VPS35: variants seen among roughly 807,000 people sequenced by gnomAD.
The protein encoded by VPS35 is VPS35 retromer complex component, also known as vacuolar protein sorting-associated protein 35.
In VPS35, 21 loss-of-function variants were observed where a neutral mutation model predicts 98.1. The ratio of observed to expected loss-of-function variants is 0.21; its 90% CI spans 0.15 to 0.31. The LOEUF (loss-of-function observed/expected upper bound fraction) is 0.31, where lower values mean the gene tolerates loss of function less well. Ranked by LOEUF, VPS35 falls within the 10% of genes least tolerant of loss-of-function variation. The pLI is 1.00. For synonymous variants in VPS35, 268 were observed against 318.2 expected, an observed-to-expected ratio of 0.84 and a Z score of 1.68; for missense variants, 554 against 950.8, an observed-to-expected ratio of 0.58 and a Z score of 5.49.
chr16:46,664,623 G>C (rs1219699913), intron 13 of VPS35, among the ~76,000 whole-genome samples: 1 of 151,518 alleles, frequency 6.6e-6, no homozygotes. Context: ...CCAGGTTCAA[G>C]TGATTCTCCT....
At chr16:46,688,510 C>A (rs1966360006) in intron 1 of VPS35, 5 of 988,000 alleles carry the variant, frequency 5.1e-6, no homozygotes, top group South Asian at 4.6e-5. Flanking sequence ...CTAAAGTAAA[C>A]AATCAGTCTC....
chr16:46,688,162 G>A (rs981176860), intron 1 of VPS35, among the ~76,000 whole-genome samples: 1 of 152,208 alleles, frequency 6.6e-6, no homozygotes, highest in Non-Finnish European at 1.5e-5. Flanking sequence ...GACATTTAAA[G>A]TGAAATCTGT....
In VPS35 at chr16:46,660,565, A is replaced by C; in HGVS notation, c.2298T>G (p.Ile766Met). 1 of 1,614,008 alleles carries C rather than the reference A, an allele frequency of 6.2e-7. No individual in the cohort carries two copies. Among genetic ancestry groups the C allele is most frequent in the South Asian group, 1.1e-5 (1 of 91,082 alleles). ...NLESSEETEQINKHFHNTLEH... is the reference protein window; with the variant it reads ...NLESSEETEQMNKHFHNTLEH... ...CCAGTGTGTTATGAAAATGTTTGTT[A>C]ATCTGCTCTGTTTCTTCACTGGATT... is the stretch of plus-strand genomic sequence containing the variant. The change falls in exon 17 of 17, where the codon ATT becomes ATG. Residue 766 changes from isoleucine (I) to methionine (M), a missense_variant. Around this residue, in one of 5 missense-constraint regions of VPS35, gnomAD observed 153 missense variants for 211.0 expected, o/e 0.73. Transcript: ENST00000299138.
At chr16:46,670,467 T>A (rs545891494) in intron 12 of VPS35, among the ~76,000 whole-genome samples, 1 of 152,110 alleles carries the variant, frequency 6.6e-6, no homozygotes, top group Non-Finnish European at 1.5e-5. Flanking sequence ...GCATTTTTAG[T>A]AGAGATGGGG....
At chr16:46,682,526 T>A (rs1011077226) in intron 2 of VPS35, 1 of 261,668 alleles carries the variant, frequency 3.8e-6, no homozygotes, top group Non-Finnish European at 7.5e-6. Flanking sequence ...GAAGATACTA[T>A]CCTGACATGG....
chr16:46,668,813 TTA>T, intron 13 of VPS35, 115 bp downstream of exon 13: 1 of 1,426,592 alleles, frequency 7.0e-7, no homozygotes, highest in Non-Finnish European at 9.6e-7. Flanking sequence ...TGGGATTTTA[TTA>T]TACCACTGTC....
Position 46,658,966 on chromosome 16 carries a change from A to G in VPS35, c.*1506T>C, listed in dbSNP as rs960724122. On this transcript the variant is annotated 3_prime_UTR_variant, in exon 17 of 17. Transcript: ENST00000299138. ...TATAGGCTAGACTTAGTGACTCCCC[A>G]CTTACAGAATAAGGCAAAAATGAGC... 5 of 152,212 alleles carry G rather than the reference A, an allele frequency of 3.3e-5. No individual in the cohort carries two copies. Among genetic ancestry groups the G allele is most frequent in the African/African-American group, 9.6e-5 (4 of 41,458 alleles). 9.4% of individuals were successfully genotyped at this position (152,212 alleles called of 1,614,324 possible). A position where few individuals can be genotyped will look rare whatever the true frequency, so the allele number is the denominator to read the frequency against.
rs188743379 is a variant in VPS35 at position 46,660,018 on chromosome 16, G to A, written c.*454C>T. Reference sequence around the variant, plus strand: ...AAGCCCAAGATGAATTTCACATACAGTATTCCTTTCTTCTAAATTAATCTC... The same window carrying A: ...AAGCCCAAGATGAATTTCACATACAATATTCCTTTCTTCTAAATTAATCTC... On this transcript the variant is annotated 3_prime_UTR_variant, in exon 17 of 17. Coordinates refer to ENST00000299138, the MANE Select transcript of VPS35 (RefSeq NM_018206.6). 1.9e-5 allele frequency: 3 copies of A among 156,228 alleles called. No homozygotes were observed. Among genetic ancestry groups the A allele is most frequent in the Middle Eastern group, 6.8e-3 (2 of 296 alleles). 9.7% of individuals were successfully genotyped at this position (156,228 alleles called of 1,614,324 possible).
chr16:46,678,824 A>C (rs1475263772), intron 6 of VPS35, 119 bp downstream of exon 6: 2 of 1,032,716 alleles, frequency 1.9e-6, no homozygotes, highest in African/African-American at 3.2e-5. Flanking sequence ...GTCTTCTTCA[A>C]TAACAGCCAT....
chr16:46,682,987 T>C (rs1966256705), intron 2 of VPS35: 2 of 157,510 alleles, frequency 1.3e-5, no homozygotes, highest in African/African-American at 2.4e-5. Flanking sequence ...TATAAAAATA[T>C]GTAAATAAGT....
chr16:46,688,533 C>T, intron 1 of VPS35: 3 of 989,286 alleles, frequency 3.0e-6, no homozygotes, highest in Non-Finnish European at 3.6e-6. Context: ...TTGCGACCGT[C>T]AGGATTAGAA....
chr16:46,659,634 T>TA lies in VPS35; in HGVS notation c.*837dup, dbSNP rs1471986723. The TA allele has an allele frequency of 6.6e-6, 1 of 152,288 alleles. No individual in the cohort carries two copies. The highest frequency in any genetic ancestry group is 1.9e-4 in the East Asian group (1 of 5,180). The allele number at this position is 152,288 out of a possible 1,614,324, so 9.4% of individuals were successfully genotyped here. ...CTATAGCCATACTACTAGTACTTTT[T>TA]ATCAATTAAAGATAGTATGAAAGGG... On this transcript the variant is annotated 3_prime_UTR_variant, in exon 17 of 17. Transcript: ENST00000299138.
intron 6 of VPS35, chr16:46,677,689 C>T: frequency 7.9e-6 from 3 of 380,406 alleles, no homozygotes; most frequent in South Asian, 7.4e-5. Context: ...GTACGTTCCA[C>T]CATGCCCAGC....
intron 14 of VPS35, 92 bp downstream of exon 14, chr16:46,662,891 G>A: frequency 2.8e-6 from 4 of 1,409,010 alleles, no homozygotes; most frequent in Non-Finnish European, 4.0e-6. Flanking sequence ...AGTAAAAGAA[G>A]AGTAAATTCA....
rs1567465699 is a variant in VPS35 at position 46,657,851 on chromosome 16, T to TGAAC, written c.*2620_*2621insGTTC. On this transcript the variant is annotated 3_prime_UTR_variant, in exon 17 of 17. Transcript: ENST00000299138. ...CCCTAGTCTTGGAATTTAATGCCAT[T>TGAAC]CAGCACCAAGCCTGCCCTGGTTCAG... 6.6e-6 allele frequency: 1 copy of TGAAC among 152,214 alleles called. No individual in the cohort carries two copies. Among genetic ancestry groups the TGAAC allele is most frequent in the African/African-American group, 2.4e-5 (1 of 41,428 alleles). 9.4% of individuals were successfully genotyped at this position (152,214 alleles called of 1,614,324 possible). A position where few individuals can be genotyped will look rare whatever the true frequency, so the allele number is the denominator to read the frequency against.
intron 1 of VPS35, 166 bp downstream of exon 1, chr16:46,688,965 G>A: frequency 6.6e-7 from 1 of 1,507,680 alleles, no homozygotes; most frequent in Non-Finnish European, 8.9e-7. Context: ...CAGCCTGCCC[G>A]CGGCCTTCCT....
At chr16:46,676,493 G>GA in intron 8 of VPS35, 90 bp downstream of exon 8, 2 of 815,824 alleles carry the variant, frequency 2.5e-6, no homozygotes, top group Non-Finnish European at 4.2e-6. Context: ...GTATGATAAA[G>GA]ATGTAACAGA....
At chr16:46,673,118 T>C (rs557015035) in intron 10 of VPS35, among the ~76,000 whole-genome samples, 39 of 152,028 alleles carry the variant, frequency 2.6e-4, no homozygotes, top group Admixed American at 2.1e-3. Flanking sequence ...GTTTTTTTAA[T>C]TTAAATTTTT....
chr16:46,687,015 T>C (rs1966327576), intron 1 of VPS35, among the ~76,000 whole-genome samples: 1 of 152,232 alleles, frequency 6.6e-6, no homozygotes, highest in Non-Finnish European at 1.5e-5. Context: ...ACCACTGTTA[T>C]GAAGAACAAA....
Sources: allele counts gnomAD v4.1 joint callset (sites outside exome capture counted in the v4.1 genomes callset), GRCh38; gene constraint gnomAD v4.1.1; regional missense constraint gnomAD v4.1.1; transcripts MANE v1.5; gene names NCBI Gene and HGNC (gene_info 2026-07-23, HGNC 2026-07-21).